The following TMEM232 variants were observed in gnomAD, a reference collection of about 807,000 sequenced individuals.
TMEM232 encodes the protein transmembrane protein 232.
In TMEM232, 80 loss-of-function variants were observed where a neutral mutation model predicts 78.8. That is an observed-to-expected ratio of 1.01 (90% CI 0.85 to 1.22). The LOEUF (loss-of-function observed/expected upper bound fraction) is 1.22. Ranked by LOEUF, TMEM232 falls within the 50% of genes most tolerant of loss-of-function variation. TMEM232 has a pLI of 0.00. For synonymous variants in TMEM232, 297 were observed against 254.3 expected (o/e 1.17, Z -1.60); for missense variants, 881 against 742.2 (o/e 1.19, Z -2.17).
chr5:110,691,145 G>GAAAAAAAAAAAA (rs113172226), intron 1 of TMEM232, among the ~76,000 whole-genome samples: 1 of 139,176 alleles, frequency 7.2e-6, no homozygotes, highest in Non-Finnish European at 1.5e-5. Flanking sequence ...AAAGTATAAG[G>GAAAAAAAAAAAA]AAAAAAAAAA....
At chr5:110,543,272 A>T (rs536215567) in intron 11 of TMEM232, among the ~76,000 whole-genome samples, 1 of 152,196 alleles carries the variant, frequency 6.6e-6, no homozygotes, top group South Asian at 2.1e-4. Flanking sequence ...GGCAAAATGA[A>T]GATATTCCCA....
At chr5:110,634,628 TA>T (rs532566101) in intron 5 of TMEM232, among the ~76,000 whole-genome samples, 22 of 147,880 alleles carry the variant, frequency 1.5e-4, no homozygotes, top group East Asian at 7.9e-4. Context: ...AAATGGAAAT[TA>T]AAAAAAAAAG....
intron 12 of TMEM232, among the ~76,000 whole-genome samples, chr5:110,442,954 T>C (rs1294891433): frequency 6.6e-6 from 1 of 152,180 alleles, no homozygotes; most frequent in Non-Finnish European, 1.5e-5. Context: ...CTCTCTGTGC[T>C]AAGGCACCTG....
In TMEM232 at chr5:110,485,990, A is replaced by T. The variant is rs941506638; in HGVS notation, c.1703+42598T>A. 7.4e-5 allele frequency among the ~76,000 whole-genome samples: 11 copies of T among 149,260 alleles called. No homozygotes were observed. The East Asian group carries it at 9.9e-4, about 13-fold the overall frequency. On this transcript the variant is annotated intron_variant, in intron 12 of 13. Coordinates refer to ENST00000455884, the MANE Select transcript of TMEM232 (RefSeq NM_001039763.4). ...CCATGCCAATATCTACTGTTTTTCA[A>T]TTTTTTTTTTATTATGGCCATTCTT...
chr5:110,598,235 T>C (rs1470351502), intron 10 of TMEM232, among the ~76,000 whole-genome samples: 1 of 146,848 alleles, frequency 6.8e-6, no homozygotes, highest in African/African-American at 2.7e-5. Flanking sequence ...AAGACATCTA[T>C]GCAGCCAAAA....
intron 10 of TMEM232, among the ~76,000 whole-genome samples, chr5:110,577,455 C>T (rs1291435674): frequency 1.3e-5 from 2 of 152,074 alleles, no homozygotes; most frequent in African/African-American, 4.8e-5. Context: ...TTGTGGAAGA[C>T]AGTGTGGCAA....
intron 12 of TMEM232, among the ~76,000 whole-genome samples, chr5:110,434,391 C>T (rs971074140): frequency 1.3e-5 from 2 of 151,476 alleles, no homozygotes; most frequent in Admixed American, 1.3e-4. Flanking sequence ...CTAGAAAAAA[C>T]ACAATCTCTC....
At chr5:110,449,066 A>C (rs1037582289) in intron 12 of TMEM232, among the ~76,000 whole-genome samples, 1 of 152,040 alleles carries the variant, frequency 6.6e-6, no homozygotes, top group Non-Finnish European at 1.5e-5. Flanking sequence ...ATGATATTAA[A>C]AAAGGAAATG....
At chr5:110,629,238 G>A (rs570026126) in intron 5 of TMEM232, among the ~76,000 whole-genome samples, 2 of 151,556 alleles carry the variant, frequency 1.3e-5, no homozygotes, top group East Asian at 1.9e-4. Flanking sequence ...GATAAATACT[G>A]AAAAAAAATA....
rs143520978 is a variant in TMEM232 at position 110,726,335 on chromosome 5, A to T, written c.-13+292T>A. On this transcript the variant is annotated intron_variant, in intron 1 of 13. Coordinates refer to ENST00000455884, the MANE Select transcript of TMEM232 (RefSeq NM_001039763.4). Reference sequence around the variant, plus strand: ...TAAATGAATTTCCCTATTCATAGCAATAAGAAAGTTCCCACCTCCTTTATT... The same window carrying T: ...TAAATGAATTTCCCTATTCATAGCATTAAGAAAGTTCCCACCTCCTTTATT... Among the ~76,000 whole-genome samples the T allele has an allele frequency of 1.2e-3, 177 of 152,020 alleles. No individual in the cohort carries two copies. The Middle Eastern group carries it at 0.031, about 26-fold the overall frequency.
At chr5:110,669,389 A>G (rs973645074) in intron 1 of TMEM232, among the ~76,000 whole-genome samples, 43 of 152,240 alleles carry the variant, frequency 2.8e-4, no homozygotes, top group Non-Finnish European at 4.7e-4. Flanking sequence ...GAAGAAATAG[A>G]TAAATTCCTG....
intron 2 of TMEM232, among the ~76,000 whole-genome samples, chr5:110,652,292 G>GCA (rs1437198025): frequency 6.0e-4 from 3 of 5,010 alleles, no homozygotes; most frequent in Admixed American, 8.0e-3. Context: ...GTGCACGCGC[G>GCA]CGCACACACA....
chr5:110,490,193 A>AAAGAAAGAAAG (rs879457428), intron 12 of TMEM232, among the ~76,000 whole-genome samples: 1 of 136,790 alleles, frequency 7.3e-6, no homozygotes, highest in Non-Finnish European at 1.6e-5. Flanking sequence ...AAGAAAGAAA[A>AAAGAAAGAAAG]AGTTAATTGT....
At chr5:110,679,212 T>A (rs1792406999) in intron 1 of TMEM232, among the ~76,000 whole-genome samples, 1 of 152,210 alleles carries the variant, frequency 6.6e-6, no homozygotes, top group Non-Finnish European at 1.5e-5. Flanking sequence ...GTTCTGACTT[T>A]TGGCCATTCT....
intron 10 of TMEM232, among the ~76,000 whole-genome samples, chr5:110,578,283 C>A (rs1036791917): frequency 6.6e-6 from 1 of 151,816 alleles, no homozygotes; most frequent in Non-Finnish European, 1.5e-5. Context: ...ATAATTCTCA[C>A]AGATTTCTGT....
chr5:110,622,141 G>C (rs562598201), intron 7 of TMEM232, among the ~76,000 whole-genome samples: 1 of 152,098 alleles, frequency 6.6e-6, no homozygotes, highest in African/African-American at 2.4e-5. Flanking sequence ...ATAGGATAAT[G>C]CTCCTAATTT....
At chr5:110,578,798 T>G (rs779601704) in intron 10 of TMEM232, among the ~76,000 whole-genome samples, 1 of 151,854 alleles carries the variant, frequency 6.6e-6, no homozygotes, top group Non-Finnish European at 1.5e-5. Flanking sequence ...AATGGATCAA[T>G]TCTCATTATG....
chr5:110,534,195 T>G (rs1437338488), intron 11 of TMEM232, among the ~76,000 whole-genome samples: 1 of 152,186 alleles, frequency 6.6e-6, no homozygotes, highest in Non-Finnish European at 1.5e-5. Context: ...CTGTCAGACA[T>G]AATTCCTCAG....
chr5:110,670,515 C>A (rs993810921), intron 1 of TMEM232, among the ~76,000 whole-genome samples: 2 of 152,130 alleles, frequency 1.3e-5, no homozygotes, highest in African/African-American at 4.8e-5. Flanking sequence ...ATTCCATGCT[C>A]ATGGATAGGA....
Sources: gnomAD v4.1 joint callset for allele counts (sites outside exome capture counted in the v4.1 genomes callset) on GRCh38, gnomAD v4.1.1 for gene constraint, MANE v1.5 for transcripts, NCBI Gene and HGNC (gene_info 2026-07-23, HGNC 2026-07-21) for gene names.